Variants in OCA2 observed in about 807,000 individuals in gnomAD.
OCA2 encodes P protein.
Under a neutral mutation model 100.2 loss-of-function variants are expected in OCA2, and 77 were observed. The observed-to-expected ratio is 0.77, with a 90% CI of 0.64 to 0.93. The LOEUF (loss-of-function observed/expected upper bound fraction) is 0.93, where lower values mean the gene tolerates loss of function less well. Ranked by LOEUF, OCA2 falls within the 40% of genes least tolerant of loss-of-function variation. The probability of loss-of-function intolerance (pLI) is 0.00; values close to 1 mark genes in which losing one functional copy is unlikely to be tolerated. For missense variants in OCA2, 1,062 were observed against 1,089.1 expected, an observed-to-expected ratio of 0.98 and a Z score of 0.35; for synonymous variants, 432 against 439.2, an observed-to-expected ratio of 0.98 and a Z score of 0.21.
At chr15:27,987,522 C>A (rs62001433) in intron 11 of OCA2, among the ~76,000 whole-genome samples, 51 of 151,284 alleles carry the variant, frequency 3.4e-4, no homozygotes, top group East Asian at 9.8e-4. Context: ...GATCGAGACC[C>A]TCCTGGCTAA....
At chr15:27,851,777 A>T (rs113293394) in intron 21 of OCA2, among the ~76,000 whole-genome samples, 35 of 152,260 alleles carry the variant, frequency 2.3e-4, no homozygotes, top group African/African-American at 8.4e-4. Flanking sequence ...GAACATGGCC[A>T]TTAAAACAGA....
chr15:28,009,070 G>A (rs1595812115), intron 9 of OCA2, among the ~76,000 whole-genome samples: 1 of 152,210 alleles, frequency 6.6e-6, no homozygotes, highest in East Asian at 1.9e-4. Flanking sequence ...CACTGCTGGA[G>A]AGCCCATAGG....
chr15:27,917,579 C>A (rs2038712298), intron 19 of OCA2, among the ~76,000 whole-genome samples: 1 of 152,128 alleles, frequency 6.6e-6, no homozygotes, highest in African/African-American at 2.4e-5. Context: ...AGCTTCCAAC[C>A]CATCCATCTC....
At chr15:27,871,125 A>C in intron 21 of OCA2, 29 bp downstream of exon 21, 1 of 1,534,750 alleles carries the variant, frequency 6.5e-7, no homozygotes, top group Non-Finnish European at 9.0e-7. Context: ...GCTAAAGTTG[A>C]GCCGTCGACA....
At chr15:27,845,670 T>C (rs913622303) in intron 22 of OCA2, among the ~76,000 whole-genome samples, 3 of 151,622 alleles carry the variant, frequency 2.0e-5, no homozygotes, top group African/African-American at 7.3e-5. Flanking sequence ...CCACACACAC[T>C]CACACCCAGG....
chr15:27,826,351 C>CCA (rs10535869), intron 23 of OCA2, among the ~76,000 whole-genome samples: 2,489 of 149,820 alleles, frequency 0.017, 40 homozygotes, highest in East Asian at 0.085. Flanking sequence ...AAGGAACTTC[C>CCA]CACACACACA....
chr15:27,936,467 T>C (rs1415743772), intron 18 of OCA2, among the ~76,000 whole-genome samples: 2 of 152,232 alleles, frequency 1.3e-5, no homozygotes, highest in Admixed American at 1.3e-4. Context: ...CTAGTTTCCC[T>C]TTAAAATCCA....
At chr15:27,911,867 GAAGAA>G (rs1253745873) in intron 19 of OCA2, among the ~76,000 whole-genome samples, 1 of 152,184 alleles carries the variant, frequency 6.6e-6, no homozygotes, top group Non-Finnish European at 1.5e-5. Context: ...AGGCTATGGA[GAAGAA>G]AAGAATTAAT....
At chr15:27,890,151 G>A (rs77933652) in intron 19 of OCA2, among the ~76,000 whole-genome samples, 2,373 of 152,292 alleles carry the variant, frequency 0.016, 56 homozygotes, top group African/African-American at 0.05. Flanking sequence ...TAAACAGCAA[G>A]GAGAAAATAT....
At chr15:28,005,573 C>T (rs1481723711) in intron 9 of OCA2, among the ~76,000 whole-genome samples, 1 of 152,098 alleles carries the variant, frequency 6.6e-6, no homozygotes, top group Non-Finnish European at 1.5e-5. Flanking sequence ...TTTCCAGCTT[C>T]GAAGCCATCA....
intron 23 of OCA2, among the ~76,000 whole-genome samples, chr15:27,831,156 C>T (rs1306295817): frequency 5.9e-5 from 9 of 151,832 alleles, no homozygotes; most frequent in African/African-American, 1.7e-4. Context: ...TGTGGTGGCA[C>T]GTGCCTGTAA....
chr15:27,899,834 A>C (rs1042722739), intron 19 of OCA2, among the ~76,000 whole-genome samples: 1 of 152,214 alleles, frequency 6.6e-6, no homozygotes, highest in Non-Finnish European at 1.5e-5. Context: ...TATCTCTGTC[A>C]CAGCCCACTG....
At chr15:28,084,655 G>A (rs1308468672) in intron 1 of OCA2, among the ~76,000 whole-genome samples, 2 of 152,172 alleles carry the variant, frequency 1.3e-5, no homozygotes, top group South Asian at 4.1e-4. Flanking sequence ...CTCAACTGGG[G>A]AAAAATCTGC....
intron 23 of OCA2, among the ~76,000 whole-genome samples, chr15:27,768,753 G>A (rs938791208): frequency 2.6e-5 from 4 of 152,192 alleles, no homozygotes; most frequent in African/African-American, 9.6e-5. Flanking sequence ...CCCTGTCTAT[G>A]GGACCCTGTG....
chr15:27,771,575 T>C (rs915121636), intron 23 of OCA2, among the ~76,000 whole-genome samples: 1 of 152,190 alleles, frequency 6.6e-6, no homozygotes, highest in Non-Finnish European at 1.5e-5. Context: ...AAGAATTTAA[T>C]GGCAAAGAGA....
chr15:28,071,885 A>G (rs2044270579), intron 2 of OCA2, among the ~76,000 whole-genome samples: 1 of 152,256 alleles, frequency 6.6e-6, no homozygotes. Flanking sequence ...TAAGTCCCCA[A>G]GAGCAATTGC....
In OCA2 at chr15:27,795,752, C is replaced by T. The variant is rs561125159; in HGVS notation, c.2433-40280G>A. ...GCTTAACCCCATTAGGGAGAGACTC[C>T]CCCAACACACACTGCTCTACTCCCC... On this transcript the variant is annotated intron_variant, in intron 23 of 23. Transcript: ENST00000354638. 1.4e-4 allele frequency among the ~76,000 whole-genome samples: 21 copies of T among 152,276 alleles called. No individual in the cohort carries two copies. In the East Asian group the frequency reaches 4.1e-3, roughly 30 times the overall value.
the OCA2 span, among the ~76,000 whole-genome samples, chr15:27,733,195 A>G: frequency 1.3e-5 from 2 of 152,240 alleles, no homozygotes; most frequent in African/African-American, 4.8e-5. Flanking sequence ...AGATATGGTT[A>G]CATTCAGATG....
chr15:27,976,935 C>CT (rs35048626), intron 14 of OCA2, among the ~76,000 whole-genome samples: 82,907 of 151,986 alleles, frequency 0.55, 25,779 homozygotes, highest in Non-Finnish European at 0.72. Flanking sequence ...ATATTTGATT[C>CT]TTCTATAGAT....
Sources: allele counts gnomAD v4.1 joint callset (sites outside exome capture counted in the v4.1 genomes callset), GRCh38; gene constraint gnomAD v4.1.1; transcripts MANE v1.5; gene names NCBI Gene and HGNC (gene_info 2026-07-23, HGNC 2026-07-21).